Variants in LRIF1 observed in about 807,000 individuals in gnomAD.
LRIF1 encodes the protein ligand-dependent nuclear receptor-interacting factor 1.
Under a neutral mutation model 52.7 loss-of-function variants are expected in LRIF1, and 32 were observed. That is an observed-to-expected ratio of 0.61 (90% CI 0.46 to 0.82). The LOEUF (loss-of-function observed/expected upper bound fraction) is 0.82. Among genes scored for constraint, LRIF1 ranks in the 40% least tolerant of loss-of-function variants. The pLI is 0.00. For synonymous variants in LRIF1, 323 were observed against 317.4 expected, an observed-to-expected ratio of 1.02 and a Z score of -0.19; for missense variants, 887 against 892.0, an observed-to-expected ratio of 0.99 and a Z score of 0.07.
At chr1:110,957,470 C>CA (rs34396800) in intron 1 of LRIF1, among the ~76,000 whole-genome samples, 9,837 of 42,642 alleles carry the variant, frequency 0.23, 1,663 homozygotes, top group Middle Eastern at 0.42. Flanking sequence ...GACTCAGTCT[C>CA]AAAAAAAAAA....
At chr1:110,954,890 G>A (rs1409519531) in intron 1 of LRIF1, among the ~76,000 whole-genome samples, 2 of 152,150 alleles carry the variant, frequency 1.3e-5, no homozygotes, top group Non-Finnish European at 2.9e-5. Context: ...ACTTTCAAAT[G>A]TTGGGAGTTT....
At chr1:110,888,571 G>A in the LRIF1 span, among the ~76,000 whole-genome samples, 1 of 152,042 alleles carries the variant, frequency 6.6e-6, no homozygotes. Context: ...GGTAAATCTG[G>A]TCCCTGTTAA....
At chr1:110,914,627 C>A in the LRIF1 span, among the ~76,000 whole-genome samples, 2 of 152,038 alleles carry the variant, frequency 1.3e-5, no homozygotes, top group African/African-American at 2.4e-5. Flanking sequence ...GTGGCAGGCA[C>A]CTGTAATCCC....
chr1:110,939,249 G>T, the LRIF1 span: 1 of 151,658 alleles, frequency 6.6e-6, no homozygotes, highest in African/African-American at 2.4e-5. Flanking sequence ...GTGTTGGCGG[G>T]CGCCTGTAGT....
chr1:110,891,534 C>T, the LRIF1 span: 1 of 1,291,134 alleles, frequency 7.7e-7, no homozygotes, highest in African/African-American at 1.5e-5. Context: ...CTCCTCATTC[C>T]TCTACTGAAG....
chr1:110,914,542 T>C, the LRIF1 span, among the ~76,000 whole-genome samples: 1 of 151,874 alleles, frequency 6.6e-6, no homozygotes, highest in South Asian at 2.1e-4. Flanking sequence ...TCATCTGAGG[T>C]CAGGAGCTTG....
chr1:110,883,502 G>A, the LRIF1 span, among the ~76,000 whole-genome samples: 12 of 151,936 alleles, frequency 7.9e-5, no homozygotes, highest in East Asian at 1.9e-4. Context: ...ACATTGGCCC[G>A]TGGTTTTATT....
the LRIF1 span, among the ~76,000 whole-genome samples, chr1:110,886,871 T>TATATATATATATATATATATATATATA: frequency 1.3e-5 from 1 of 76,052 alleles, no homozygotes. Flanking sequence ...ATATATATAT[T>TATATATATATATATATATATATATATA]TTTTTTTTCT....
the LRIF1 span, chr1:110,941,172 C>A: frequency 6.6e-6 from 1 of 151,948 alleles, no homozygotes; most frequent in Admixed American, 6.6e-5. Context: ...AAAACAAGAT[C>A]TGGTGTTAAA....
At chr1:110,914,867 T>G in the LRIF1 span, among the ~76,000 whole-genome samples, 1 of 152,192 alleles carries the variant, frequency 6.6e-6, no homozygotes, top group African/African-American at 2.4e-5. Context: ...GGTGGAAATG[T>G]TTCATGGTAC....
chr1:110,875,011 A>G, the LRIF1 span, among the ~76,000 whole-genome samples: 4 of 152,364 alleles, frequency 2.6e-5, no homozygotes, highest in African/African-American at 9.6e-5. Flanking sequence ...ATACAAATAC[A>G]GTGCAATGTG....
rs1406532008 is a variant in LRIF1, at chr1:110,947,838, G to A, written c.*121C>T. ...CTGTATTCCTTAAAGTTGTACAATC[G>A]ACTGATGAAAAAACAAGCTTCATAT... On this transcript the variant is annotated 3_prime_UTR_variant, in exon 4 of 4. Transcript: ENST00000369763. The A allele has an allele frequency of 2.3e-6, 3 of 1,330,748 alleles. No individual in the cohort carries two copies. Among genetic ancestry groups the A allele is most frequent in the Non-Finnish European group, 3.0e-6 (3 of 998,192 alleles). The allele number at this position is 1,330,748 out of a possible 1,614,324, so 82.4% of individuals were successfully genotyped here.
intron 1 of LRIF1, among the ~76,000 whole-genome samples, chr1:110,958,002 T>C (rs1658776454): frequency 6.6e-6 from 1 of 152,232 alleles, no homozygotes; most frequent in Admixed American, 6.5e-5. Flanking sequence ...AGTATTTTGC[T>C]GATGTTGTTT....
chr1:110,945,791 GTGA>G (rs1039321072), downstream of LRIF1, among the ~76,000 whole-genome samples: 17 of 152,190 alleles, frequency 1.1e-4, no homozygotes, highest in Non-Finnish European at 2.2e-4. Context: ...TTCAAAGGAA[GTGA>G]TGATTCATGA....
the LRIF1 span, among the ~76,000 whole-genome samples, chr1:110,927,626 T>C: frequency 6.6e-6 from 1 of 152,116 alleles, no homozygotes; most frequent in Admixed American, 6.5e-5. Context: ...GGCCACTGCT[T>C]CATGCCAATG....
At position 110,951,424 on chromosome 1, in the gene LRIF1, T is replaced by C. The variant is rs779917831; in HGVS notation, c.1460A>G (p.Asn487Ser). The C allele has an allele frequency of 6.2e-7, 1 of 1,614,130 alleles. No homozygotes were observed. Among genetic ancestry groups the C allele is most frequent in the Non-Finnish European group, 8.5e-7 (1 of 1,180,000 alleles). ...GACGGCTGTTACTTTTCTGGGGGCA[T>C]TGTGTCCTGTACTAAATCCAACTGG... ...IFPVGFSTGHNAPRKVTAVIY... is the reference protein window; with the variant it reads ...IFPVGFSTGHSAPRKVTAVIY... Residue 487 changes from asparagine (N) to serine (S), a missense_variant, in exon 2 of 4, where the codon AAT (asparagine) becomes AGT (serine). Coordinates refer to ENST00000369763, the MANE Select transcript of LRIF1 (RefSeq NM_018372.4).
chr1:110,879,882 G>C, the LRIF1 span, among the ~76,000 whole-genome samples: 2 of 152,104 alleles, frequency 1.3e-5, no homozygotes, highest in African/African-American at 4.8e-5. Flanking sequence ...CGAGGTTCTT[G>C]AAGCCTCTAT....
At chr1:110,922,032 T>G in the LRIF1 span, among the ~76,000 whole-genome samples, 1 of 152,204 alleles carries the variant, frequency 6.6e-6, no homozygotes, top group East Asian at 1.9e-4. Flanking sequence ...TGTTTATGAC[T>G]TGTCATCATT....
At chr1:110,891,609 A>G in the LRIF1 span, 1,153 of 682,194 alleles carry the variant, frequency 1.7e-3, 8 homozygotes, top group African/African-American at 0.018. Context: ...CCTAGAAACA[A>G]AAGAGTAATA....
Sources: allele counts gnomAD v4.1 joint callset (sites outside exome capture counted in the v4.1 genomes callset), GRCh38; gene constraint gnomAD v4.1.1; transcripts MANE v1.5; gene names NCBI Gene and HGNC (gene_info 2026-07-23, HGNC 2026-07-21).